Variants in BSN observed in about 807,000 individuals in gnomAD.
BSN encodes protein bassoon.
A neutral mutation model predicts 264.8 loss-of-function variants in BSN; 57 were observed. The ratio of observed to expected loss-of-function variants is 0.22; its 90% confidence interval spans 0.17 to 0.27. The LOEUF (loss-of-function observed/expected upper bound fraction) is 0.27, where lower values mean the gene tolerates loss of function less well. BSN is among the 10% of genes least tolerant of loss of function. BSN has a pLI of 1.00. For synonymous variants in BSN, 2,059 were observed against 2,137.3 expected (o/e 0.96, Z 1.01); for missense variants, 4,615 against 5,232.5 (o/e 0.88, Z 3.64).
chr3:49,645,039 G>T (rs1450553941), intron 3 of BSN, among the ~76,000 whole-genome samples: 3 of 152,162 alleles, frequency 2.0e-5, no homozygotes, highest in African/African-American at 7.2e-5. Flanking sequence ...GATGGCCGGT[G>T]TTCCCCCCAT....
Position 49,642,179 on chromosome 3 carries a change from G to A in BSN, c.634-89G>A. On this transcript the variant is annotated intron_variant, in intron 2 of 11. Coordinates refer to ENST00000296452, the MANE Select transcript of BSN (RefSeq NM_003458.4). This position sits in a 1 kb window ranked among gnomAD's most constrained non-coding sequence, Gnocchi z 7.0. Reference sequence around the variant, plus strand: ...GGTGCTCCTGCCTGTGCTAGGAGTGGCCTTGGCTGCTGTGGGGCCTGCACT... The same window carrying A: ...GGTGCTCCTGCCTGTGCTAGGAGTGACCTTGGCTGCTGTGGGGCCTGCACT... 1 of 1,091,702 alleles carries A rather than the reference G, an allele frequency of 9.2e-7. No homozygotes were observed. The highest frequency in any genetic ancestry group is 1.3e-6 in the Non-Finnish European group (1 of 798,624). The allele number at this position is 1,091,702 out of a possible 1,614,324, so 67.6% of individuals were successfully genotyped here.
chr3:49,661,231 G>T lies in BSN; in HGVS notation c.9386G>T (p.Ser3129Ile). The T allele has an allele frequency of 6.2e-7, 1 of 1,613,674 alleles. No homozygotes were observed. Among genetic ancestry groups the T allele is most frequent in the Non-Finnish European group, 8.5e-7 (1 of 1,180,034 alleles). Residue 3129 changes from serine (S) to isoleucine (I), a missense_variant, in exon 6 of 12, where the codon AGC becomes ATC. By Grantham distance (142) the Ser-to-Ile change is moderately radical. This residue lies in a region of BSN where 3,415 missense variants were observed against 3,866.4 expected (regional missense o/e 0.88). Transcript: ENST00000296452. ...CAAACACCCATGCCAACCACACAGA[G>T]CACCCTTTTTCCAGTCCCCGCTGAT... ...AGQTPMPTTQSTLFPVPADSR... is the reference protein window; with the variant it reads ...AGQTPMPTTQITLFPVPADSR...
Position 49,653,250 on chromosome 3 carries a change from A to G in BSN, c.3694A>G (p.Thr1232Ala), listed in dbSNP as rs368220707. 3.7e-5 allele frequency: 59 copies of G among 1,612,534 alleles called. No individual in the cohort carries two copies. The Middle Eastern group carries it at 4.9e-4, about 13-fold the overall frequency. The change falls in exon 5 of 12, where the codon ACT (threonine) becomes GCT (alanine). Residue 1232 changes from threonine (T) to alanine (A), a missense_variant. Thr to Ala is a moderately conservative substitution (Grantham distance 58). This residue lies in a region of BSN where 3,415 missense variants were observed against 3,866.4 expected (regional missense o/e 0.88). Coordinates refer to ENST00000296452, the MANE Select transcript of BSN (RefSeq NM_003458.4). This position sits in a 1 kb window ranked among gnomAD's most constrained non-coding sequence, Gnocchi z 6.3. ...CCTGGGCTCCTTCGAATATCAAGACACTACAGACCGTGAGTATGGCCAGGC... is the reference window on the plus strand; with the variant it reads ...CCTGGGCTCCTTCGAATATCAAGACGCTACAGACCGTGAGTATGGCCAGGC... ...RGLGSFEYQDTTDREYGQAAQ... is the reference protein window; with the variant it reads ...RGLGSFEYQDATDREYGQAAQ...
chr3:49,610,394 C>A (rs2052196433), intron 1 of BSN, among the ~76,000 whole-genome samples: 2 of 152,008 alleles, frequency 1.3e-5, no homozygotes, highest in Admixed American at 1.3e-4. Context: ...ATCTGCCTGG[C>A]CAACATGGCA....
intron 2 of BSN, among the ~76,000 whole-genome samples, chr3:49,628,543 T>G (rs6803222): frequency 0.28 from 42,615 of 152,066 alleles, 6,506 homozygotes; most frequent in Middle Eastern, 0.31. Flanking sequence ...CCTAGGCTGC[T>G]GGAGGTCTAC....
chr3:49,568,594 A>G (rs571976795), intron 1 of BSN, among the ~76,000 whole-genome samples: 2 of 152,152 alleles, frequency 1.3e-5, no homozygotes, highest in African/African-American at 4.8e-5. Context: ...GCTTTTTTCC[A>G]TGTAATCAAT....
At position 49,554,587 on chromosome 3, in the gene BSN, C is replaced by A; in HGVS notation, c.-16C>A. On this transcript the variant is annotated 5_prime_UTR_variant, in exon 1 of 12. Transcript: ENST00000296452. Reference sequence around the variant, plus strand: ...GGCGCAGCGCGACCCCGACCCCGCCCGCCCGCCTGCCCGCCATGGGCAACG... The same window carrying A: ...GGCGCAGCGCGACCCCGACCCCGCCAGCCCGCCTGCCCGCCATGGGCAACG... 1.0e-6 allele frequency: 1 copy of A among 973,280 alleles called. No individual in the cohort carries two copies. The highest frequency in any genetic ancestry group is 1.2e-6 in the Non-Finnish European group (1 of 819,308). 60.3% of individuals were successfully genotyped at this position (973,280 alleles called of 1,614,324 possible).
chr3:49,618,743 T>C (rs2052280806), intron 1 of BSN, among the ~76,000 whole-genome samples: 1 of 152,226 alleles, frequency 6.6e-6, no homozygotes, highest in Non-Finnish European at 1.5e-5. Context: ...AGCTCATCTT[T>C]TAAGACCCAG....
chr3:49,605,523 T>A (rs1465677749), intron 1 of BSN, among the ~76,000 whole-genome samples: 1 of 4,946 alleles, frequency 2.0e-4, no homozygotes, highest in African/African-American at 1.2e-3. Context: ...AATATATATA[T>A]AATATATAAT....
chr3:49,567,781 T>C (rs2051764956), intron 1 of BSN, among the ~76,000 whole-genome samples: 1 of 152,182 alleles, frequency 6.6e-6, no homozygotes, highest in African/African-American at 2.4e-5. Context: ...GGTCAGGAAT[T>C]TGGGCAGAGC....
intron 1 of BSN, among the ~76,000 whole-genome samples, chr3:49,602,633 A>G (rs750762558): frequency 4.0e-5 from 6 of 151,888 alleles, no homozygotes; most frequent in Admixed American, 6.6e-5. Context: ...TTTAGTAGAG[A>G]TGGGGTTTCA....
Position 49,601,999 on chromosome 3 carries a change from G to C in BSN, c.225-22976G>C, listed in dbSNP as rs2052076159. 2.0e-5 allele frequency among the ~76,000 whole-genome samples: 3 copies of C among 152,170 alleles called. No homozygotes were observed. In the South Asian group the frequency reaches 6.2e-4, roughly 32 times the overall value. Reference sequence around the variant, plus strand: ...GCCCTGCCTGTCTGACACAAGCCTTGCCCTAGTAGAGATGTGGGAAAGTGG... The same window carrying C: ...GCCCTGCCTGTCTGACACAAGCCTTCCCCTAGTAGAGATGTGGGAAAGTGG... On this transcript the variant is annotated intron_variant, in intron 1 of 11. Transcript: ENST00000296452.
chr3:49,561,113 A>G (rs938577402), intron 1 of BSN, among the ~76,000 whole-genome samples: 1 of 152,234 alleles, frequency 6.6e-6, no homozygotes, highest in African/African-American at 2.4e-5. Flanking sequence ...ATGGAGGCAC[A>G]TGGGAAGCCT....
At chr3:49,559,623 A>G (rs1468387535) in intron 1 of BSN, among the ~76,000 whole-genome samples, 1 of 152,176 alleles carries the variant, frequency 6.6e-6, no homozygotes, top group Non-Finnish European at 1.5e-5. Flanking sequence ...GGGTCTACAC[A>G]TTGAATTTGT....
At position 49,657,839 on chromosome 3, in the gene BSN, G is replaced by A. The variant is rs1367704938; in HGVS notation, c.8283G>A (p.Lys2761=). Residue 2761 remains lysine, a synonymous_variant, in exon 5 of 12, where the codon AAG becomes AAA. Transcript: ENST00000296452. ...GGCCTCTGGGCAGATTTGAAAAAAA[G>A]AAGCCAGATCCCCTGGAGATTGGGT... is the stretch of plus-strand genomic sequence containing the variant. ...TPGPLGRFEK[K]KPDPLEIGYQ... 1 of 1,609,416 alleles carries A rather than the reference G, an allele frequency of 6.2e-7. No homozygotes were observed. The highest frequency in any genetic ancestry group is 2.2e-5 in the East Asian group (1 of 44,854).
intron 1 of BSN, among the ~76,000 whole-genome samples, chr3:49,590,337 T>C (rs2051969076): frequency 6.6e-6 from 1 of 152,178 alleles, no homozygotes; most frequent in East Asian, 1.9e-4. Context: ...AAAACAAATC[T>C]GATAATCTCT....
intron 2 of BSN, among the ~76,000 whole-genome samples, chr3:49,627,603 A>C (rs1443914949): frequency 6.6e-6 from 1 of 152,150 alleles, no homozygotes; most frequent in African/African-American, 2.4e-5. Context: ...GTCAGACTAC[A>C]TCTGTCCTGG....
chr3:49,663,925 G>A lies in BSN; in HGVS notation c.11608+39G>A. 7.5e-6 allele frequency: 12 copies of A among 1,590,708 alleles called. No individual in the cohort carries two copies. The East Asian group carries it at 2.7e-4, about 36-fold the overall frequency. On this transcript the variant is annotated intron_variant, in intron 8 of 11. Transcript: ENST00000296452. ...TTGACACCCTTGGCTGTGGCCCAGA[G>A]CACCCAGGCTGTTCTCTCTCTATAC...
intron 1 of BSN, among the ~76,000 whole-genome samples, chr3:49,619,356 G>T (rs11919311): frequency 0.5 from 75,895 of 152,062 alleles, 20,478 homozygotes; most frequent in East Asian, 0.94. Flanking sequence ...GAGCTTCCAC[G>T]TAAGCAGCTC....
Sources: gnomAD v4.1 joint callset for allele counts (sites outside exome capture counted in the v4.1 genomes callset) on GRCh38, gnomAD v4.1.1 for gene constraint, gnomAD v4.1.1 regional missense constraint, Gnocchi (gnomAD v3.1) non-coding constraint, MANE v1.5 for transcripts, NCBI Gene and HGNC (gene_info 2026-07-23, HGNC 2026-07-21) for gene names.